Variants in POLK observed in about 807,000 individuals in gnomAD.
The protein encoded by POLK is DNA polymerase kappa.
In POLK, 76 loss-of-function variants were observed where a neutral mutation model predicts 94.0. The ratio of observed to expected loss-of-function variants is 0.81; its 90% CI spans 0.67 to 0.98. POLK has a LOEUF of 0.98. Among genes scored for constraint, POLK ranks in the 50% least tolerant of loss-of-function variants. The pLI is 0.00. For missense variants in POLK, 954 were observed against 1,010.1 expected (o/e 0.94, Z 0.75); for synonymous variants, 349 against 325.4 (o/e 1.07, Z -0.78).
chr5:75,513,808 A>G (rs1768192578), intron 1 of POLK, among the ~76,000 whole-genome samples: 1 of 152,154 alleles, frequency 6.6e-6, no homozygotes, highest in Non-Finnish European at 1.5e-5. Context: ...CACTCTTGGC[A>G]TGTACACATG....
chr5:75,571,055 G>T, intron 4 of POLK, among the ~76,000 whole-genome samples: 1 of 152,008 alleles, frequency 6.6e-6, no homozygotes, highest in East Asian at 1.9e-4. Context: ...ACTTGCTGTA[G>T]CCATGTTAAA....
chr5:75,551,046 A>G (rs543683247), intron 2 of POLK, among the ~76,000 whole-genome samples: 2 of 152,178 alleles, frequency 1.3e-5, no homozygotes, highest in African/African-American at 4.8e-5. Flanking sequence ...ACATAGTGAG[A>G]CCCTGTCTCT....
Position 75,594,060 on chromosome 5 carries a change from T to C in POLK, c.1528+11T>C. On this transcript the variant is annotated intron_variant, in intron 12 of 14. Coordinates refer to ENST00000241436, the Ensembl canonical transcript of POLK. ...GATTAAGGCTTATGGGTATGACTTT[T>C]TCATTTTTTTGTTTTTCCTTAAATC... 1 of 1,546,190 alleles carries C rather than the reference T, an allele frequency of 6.5e-7. No homozygotes were observed. The highest frequency in any genetic ancestry group is 1.4e-5 in the African/African-American group (1 of 72,000).
chr5:75,584,338 G>C (rs1199352520), intron 8 of POLK, among the ~76,000 whole-genome samples: 2 of 152,076 alleles, frequency 1.3e-5, no homozygotes, highest in Admixed American at 1.3e-4. Flanking sequence ...TGGTCAAAAA[G>C]TAATTAAAGC....
At chr5:75,552,770 A>G (rs1052898206) in intron 3 of POLK, among the ~76,000 whole-genome samples, 179 bp downstream of exon 3, 2 of 152,218 alleles carry the variant, frequency 1.3e-5, no homozygotes, top group African/African-American at 2.4e-5. Context: ...GCTCATTTAC[A>G]TAAAGACTCC....
chr5:75,573,687 A>G (rs1440517556), intron 4 of POLK, 51 bp from the exon 5 acceptor site: 19 of 1,459,620 alleles, frequency 1.3e-5, no homozygotes, highest in Non-Finnish European at 1.7e-5. Context: ...ATTGATCAAT[A>G]TGTCCATTTA....
rs1327920309 is a variant in POLK at position 75,581,550 on chromosome 5, TTTAC to T, written c.934+110_934+113del. Reference sequence around the variant, plus strand: ...CTCATTATAAAGTATATAGTAACATTTTACTTACTTAGTCTTTCATTCAACTTCT... The same window carrying T: ...CTCATTATAAAGTATATAGTAACATTTTACTTAGTCTTTCATTCAACTTCT... On this transcript the variant is annotated intron_variant, in intron 7 of 14. Coordinates refer to ENST00000241436, the Ensembl canonical transcript of POLK. 18 of 970,486 alleles carry T rather than the reference TTTAC, an allele frequency of 1.9e-5. No individual in the cohort carries two copies. In the Admixed American group the frequency reaches 2.4e-4, roughly 13 times the overall value. 60.1% of individuals were successfully genotyped at this position (970,486 alleles called of 1,614,324 possible). A position where few individuals can be genotyped will look rare whatever the true frequency, so the allele number is the denominator to read the frequency against.
At chr5:75,569,887 A>C (rs1482436178) in intron 4 of POLK, among the ~76,000 whole-genome samples, 1 of 152,214 alleles carries the variant, frequency 6.6e-6, no homozygotes, top group African/African-American at 2.4e-5. Flanking sequence ...GATCCAGGTT[A>C]CATACTCATT....
rs138780554 is a variant in POLK at position 75,513,334 on chromosome 5, A to G, written c.-14+1420A>G. 2.1e-3 allele frequency among the ~76,000 whole-genome samples: 318 copies of G among 152,294 alleles called. 1 individual carries two copies. In the East Asian group the frequency reaches 0.027, roughly 13 times the overall value. ...TTTGATCCTTAAGGTGACTTTGCAT[A>G]TCTGTCTAGGACTCCTTTATCTGTT... On this transcript the variant is annotated intron_variant, in intron 1 of 14. Coordinates refer to ENST00000241436, the Ensembl canonical transcript of POLK.
chr5:75,514,864 C>CA (rs779555957), intron 1 of POLK, among the ~76,000 whole-genome samples: 103 of 129,890 alleles, frequency 7.9e-4, no homozygotes, highest in Middle Eastern at 3.9e-3. Flanking sequence ...GACCCTGTCT[C>CA]AAAAAAAAAA....
Position 75,552,616 on chromosome 5 carries a change from G to A in POLK, c.255+25G>A, listed in dbSNP as rs760197662. The A allele has an allele frequency of 3.4e-5, 54 of 1,576,922 alleles. 1 individual carries two copies. The highest frequency in any genetic ancestry group is 8.1e-5 in the South Asian group (7 of 85,970). ...GGTATTAATTAAATTGTTAAATAAAGTGGAAGCTGGTAGAATAGTAATTGA... is the reference window on the plus strand; with the variant it reads ...GGTATTAATTAAATTGTTAAATAAAATGGAAGCTGGTAGAATAGTAATTGA... On this transcript the variant is annotated intron_variant, in intron 3 of 14. Transcript: ENST00000241436.
chr5:75,530,831 G>A (rs1463620813), intron 1 of POLK, among the ~76,000 whole-genome samples: 5 of 116,998 alleles, frequency 4.3e-5, no homozygotes, highest in Non-Finnish European at 8.7e-5. Flanking sequence ...TTTTTGAGTT[G>A]GAGTCTCGCT....
chr5:75,541,311 A>G (rs1296215855), intron 1 of POLK, among the ~76,000 whole-genome samples: 1 of 152,096 alleles, frequency 6.6e-6, no homozygotes, highest in Non-Finnish European at 1.5e-5. Context: ...AAAAAAACCA[A>G]AAAACAAAAA....
At chr5:75,605,688 C>T (rs1241130782), downstream of POLK, among the ~76,000 whole-genome samples, 2 of 152,158 alleles carry the variant, frequency 1.3e-5, no homozygotes, top group African/African-American at 4.8e-5. Flanking sequence ...TAATGTATTT[C>T]ATCAATTCTT....
chr5:75,556,475 T>C lies in POLK; in HGVS notation c.255+3884T>C, dbSNP rs532060908. On this transcript the variant is annotated intron_variant, in intron 3 of 14. Coordinates refer to ENST00000241436, the Ensembl canonical transcript of POLK. ...CAACCTGTGGCTTTTCTTTTTATTCTATTGACAGTATCTTTCACAGAGCAG... is the reference window on the plus strand; with the variant it reads ...CAACCTGTGGCTTTTCTTTTTATTCCATTGACAGTATCTTTCACAGAGCAG... Among the ~76,000 whole-genome samples, 55 of 152,308 alleles carry C rather than the reference T, an allele frequency of 3.6e-4. 1 individual carries two copies. The highest frequency in any genetic ancestry group is 6.8e-3 in the Middle Eastern group (2 of 294).
At chr5:75,527,655 C>G (rs1344822417) in intron 1 of POLK, among the ~76,000 whole-genome samples, 1 of 151,958 alleles carries the variant, frequency 6.6e-6, no homozygotes, top group Admixed American at 6.6e-5. Flanking sequence ...CTTTTCTTCT[C>G]CGAACCTGGT....
chr5:75,565,465 T>C (rs758688090), intron 3 of POLK, among the ~76,000 whole-genome samples: 24 of 152,214 alleles, frequency 1.6e-4, no homozygotes, highest in Non-Finnish European at 2.6e-4. Context: ...AGAGGTGTTC[T>C]GTTATTTGGA....
intron 2 of POLK, among the ~76,000 whole-genome samples, chr5:75,550,341 G>A (rs777523553): frequency 3.5e-4 from 53 of 152,186 alleles, no homozygotes; most frequent in Non-Finnish European, 7.1e-4. Context: ...CACTTTGGGA[G>A]GCTGAGGTGG....
At chr5:75,593,447 C>G (rs1477437194) in intron 11 of POLK, among the ~76,000 whole-genome samples, 1 of 152,152 alleles carries the variant, frequency 6.6e-6, no homozygotes, top group African/African-American at 2.4e-5. Flanking sequence ...ATGTTTATCA[C>G]CATGTTTTAT....
Sources: allele counts gnomAD v4.1 joint callset (sites outside exome capture counted in the v4.1 genomes callset), GRCh38; gene constraint gnomAD v4.1.1; transcripts MANE v1.5; gene names NCBI Gene and HGNC (gene_info 2026-07-23, HGNC 2026-07-21).